The following SLC43A1 variants were observed in gnomAD, a reference collection of about 807,000 sequenced individuals.
SLC43A1 encodes large neutral amino acids transporter small subunit 3.
A neutral mutation model predicts 59.5 loss-of-function variants in SLC43A1; 31 were observed. The ratio of observed to expected loss-of-function variants is 0.52; its 90% CI spans 0.39 to 0.70. The LOEUF is 0.70. Among genes scored for constraint, SLC43A1 ranks in the 30% least tolerant of loss-of-function variants. The probability of loss-of-function intolerance (pLI) is 0.00; values close to 1 mark genes in which losing one functional copy is unlikely to be tolerated. For synonymous variants in SLC43A1, 259 were observed against 290.9 expected, an observed-to-expected ratio of 0.89 and a Z score of 1.12; for missense variants, 598 against 717.8, an observed-to-expected ratio of 0.83 and a Z score of 1.91.
Position 57,514,923 on chromosome 11 carries a change from GGT to G in SLC43A1, c.-14+519_-14+520del. The G allele has an allele frequency of 1.7e-5, 17 of 975,940 alleles. No homozygotes were observed. The highest frequency in any genetic ancestry group is 1.9e-5 in the Non-Finnish European group (16 of 821,334). The allele number at this position is 975,940 out of a possible 1,614,324, so 60.5% of individuals were successfully genotyped here. On this transcript the variant is annotated intron_variant, in intron 1 of 14. Transcript: ENST00000278426. This position sits in a 1 kb window ranked among gnomAD's most constrained non-coding sequence, Gnocchi z 5.5. ...GCGGTGGCGGATGGGCTGGCGGGCG[GGT>G]GTGTTTACCAAAGGGAGGGAAAGAG...
Position 57,496,178 on chromosome 11 carries a change from G to C in SLC43A1, c.559-14C>G, listed in dbSNP as rs199896309. The C allele has an allele frequency of 7.4e-4, 1,192 of 1,613,410 alleles. 5 individuals carry two copies. The highest frequency in any genetic ancestry group is 6.8e-4 in the Non-Finnish European group (800 of 1,179,718). ...ATCGTAGATCAGCTGTGAGAGGAGG[G>C]GGCAGGCCCGTGGGGGAGACTGCCT... On this transcript the variant is annotated splice_polypyrimidine_tract_variant and intron_variant, in intron 6 of 14. Coordinates refer to ENST00000278426, the MANE Select transcript of SLC43A1 (RefSeq NM_003627.6).
intron 11 of SLC43A1, 23 bp downstream of exon 11, chr11:57,491,201 C>T: frequency 6.6e-7 from 1 of 1,512,188 alleles, no homozygotes; most frequent in Non-Finnish European, 8.9e-7. Flanking sequence ...CTTGCTGTCA[C>T]CATCCCTGTA....
chr11:57,494,221 C>T (rs201560723), intron 7 of SLC43A1, 50 bp from the exon 8 acceptor site: 13 of 1,560,534 alleles, frequency 8.3e-6, no homozygotes, highest in Non-Finnish European at 1.1e-5. Context: ...ACAGAGCCCA[C>T]CTTCAACGGC....
chr11:57,511,899 G>A (rs959224891), intron 2 of SLC43A1, among the ~76,000 whole-genome samples: 2 of 152,118 alleles, frequency 1.3e-5, no homozygotes, highest in African/African-American at 2.4e-5. Context: ...GTTGCCTAGT[G>A]CTTGGGGGCA....
intron 2 of SLC43A1, among the ~76,000 whole-genome samples, chr11:57,506,715 C>T (rs979139644): frequency 6.6e-6 from 1 of 152,206 alleles, no homozygotes; most frequent in Non-Finnish European, 1.5e-5. Flanking sequence ...CCTTTACTAG[C>T]TGTGTGACCT....
At chr11:57,486,977 T>C in intron 14 of SLC43A1, 118 bp downstream of exon 14, 4 of 1,081,846 alleles carry the variant, frequency 3.7e-6, no homozygotes, top group Non-Finnish European at 5.4e-6. Context: ...ACCTGCAGAT[T>C]AGAGACCTCT....
At chr11:57,485,391 G>GT in intron 14 of SLC43A1, 149 bp from the exon 15 acceptor site, 1 of 773,780 alleles carries the variant, frequency 1.3e-6, no homozygotes, top group Admixed American at 3.1e-5. Flanking sequence ...TGTTCCACCA[G>GT]TATCTCACTT....
At chr11:57,500,685 T>C (rs1944236653) in intron 5 of SLC43A1, 94 bp downstream of exon 5, 1 of 1,078,026 alleles carries the variant, frequency 9.3e-7, no homozygotes. Flanking sequence ...CACAGGCCCC[T>C]CCCCCAGCCC....
At chr11:57,509,285 C>G (rs1043777150) in intron 2 of SLC43A1, among the ~76,000 whole-genome samples, 1 of 151,620 alleles carries the variant, frequency 6.6e-6, no homozygotes, top group African/African-American at 2.4e-5. Context: ...AGAGCTAAAA[C>G]TACAAAACTC....
intron 8 of SLC43A1, 52 bp from the exon 9 acceptor site, chr11:57,491,914 T>C (rs1165228263): frequency 2.5e-6 from 4 of 1,579,412 alleles, no homozygotes; most frequent in Admixed American, 3.4e-5. Context: ...CACTGCCCTC[T>C]GATTGTCCCA....
At chr11:57,487,278 TCTC>T (rs1224895600) in intron 13 of SLC43A1, 60 bp from the exon 14 acceptor site, 24 of 1,571,678 alleles carry the variant, frequency 1.5e-5, no homozygotes, top group Non-Finnish European at 2.1e-5. Flanking sequence ...GGCCAGCACC[TCTC>T]CTATCCCCTC....
Position 57,484,929 on chromosome 11 carries a change from T to G in SLC43A1, c.*167A>C. 1.2e-6 allele frequency: 1 copy of G among 843,162 alleles called. No homozygotes were observed. The highest frequency in any genetic ancestry group is 2.2e-5 in the South Asian group (1 of 45,716). The allele number at this position is 843,162 out of a possible 1,614,324, so 52.2% of individuals were successfully genotyped here. ...CTTAGGGGGCGTTTTTGAAGGTTTT[T>G]TTTCCTCCTTTTTGCAGTCTTTACA... On this transcript the variant is annotated 3_prime_UTR_variant, in exon 15 of 15. Coordinates refer to ENST00000278426, the MANE Select transcript of SLC43A1 (RefSeq NM_003627.6).
chr11:57,490,241 A>G (rs1943860001), intron 11 of SLC43A1, among the ~76,000 whole-genome samples: 1 of 151,810 alleles, frequency 6.6e-6, no homozygotes, highest in South Asian at 2.1e-4. Context: ...CCTGGGAGGC[A>G]GAGGTTGCAG....
intron 11 of SLC43A1, among the ~76,000 whole-genome samples, chr11:57,490,423 G>A (rs1223890509): frequency 6.6e-6 from 1 of 152,186 alleles, no homozygotes; most frequent in Non-Finnish European, 1.5e-5. Flanking sequence ...AGTATATCAG[G>A]GTTGCTCTGT....
chr11:57,494,019 C>T lies in SLC43A1; in HGVS notation c.845G>A (p.Arg282Gln), dbSNP rs146161771. 1.7e-5 allele frequency: 27 copies of T among 1,601,056 alleles called. No individual in the cohort carries two copies. The highest frequency in any genetic ancestry group is 2.2e-5 in the Non-Finnish European group (26 of 1,175,224). ...CTCAGGAAGGTTTTCTGAGGTGCCC[C>T]GAACATCCTGGGGTGACATGAAGGC... is the stretch of plus-strand genomic sequence containing the variant. ...SDAFMSPQDV[R>Q]GTSENLPERS... Residue 282 changes from arginine (R) to glutamine (Q), a missense_variant, in exon 8 of 15, where the codon CGG (arginine) becomes CAG (glutamine). By Grantham distance (43) the Arg-to-Gln change is conservative (BLOSUM62 1). Coordinates refer to ENST00000278426, the MANE Select transcript of SLC43A1 (RefSeq NM_003627.6).
intron 5 of SLC43A1, among the ~76,000 whole-genome samples, chr11:57,500,447 CA>C (rs1242795385): frequency 6.6e-6 from 1 of 151,986 alleles, no homozygotes; most frequent in Non-Finnish European, 1.5e-5. Flanking sequence ...CCCTCACCCC[CA>C]AAATGTAACC....
At chr11:57,489,599 G>A (rs1023412271) in intron 11 of SLC43A1, among the ~76,000 whole-genome samples, 1 of 152,116 alleles carries the variant, frequency 6.6e-6, no homozygotes. Flanking sequence ...AATGACACAC[G>A]CATCAAAGCG....
intron 13 of SLC43A1, among the ~76,000 whole-genome samples, chr11:57,487,425 G>A (rs1267946213): frequency 6.6e-6 from 1 of 152,168 alleles, no homozygotes; most frequent in Non-Finnish European, 1.5e-5. Context: ...CACACCTCCT[G>A]TATGTGTGAT....
chr11:57,493,985 A>T lies in SLC43A1; in HGVS notation c.871+8T>A, dbSNP rs753127343. ...CCCCCAAGGCCGGCACCTTGACCAG[A>T]CACTCACTCTCAGGAAGGTTTTCTG... On this transcript the variant is annotated splice_region_variant and intron_variant, in intron 8 of 14. Transcript: ENST00000278426. 1 of 1,577,868 alleles carries T rather than the reference A, an allele frequency of 6.3e-7. No homozygotes were observed. Among genetic ancestry groups the T allele is most frequent in the Non-Finnish European group, 8.6e-7 (1 of 1,163,606 alleles).
Sources: allele counts gnomAD v4.1 joint callset (sites outside exome capture counted in the v4.1 genomes callset), GRCh38; gene constraint gnomAD v4.1.1; non-coding constraint Gnocchi (gnomAD v3.1); transcripts MANE v1.5; gene names NCBI Gene and HGNC (gene_info 2026-07-23, HGNC 2026-07-21).